KIF1A: variants seen among roughly 807,000 people sequenced by gnomAD.
The protein encoded by KIF1A is kinesin-like protein KIF1A.
In KIF1A, 46 loss-of-function variants were observed where a neutral mutation model predicts 227.3. The observed-to-expected ratio is 0.20, with a 90% CI of 0.16 to 0.26. The LOEUF is 0.26. KIF1A is among the 10% of genes least tolerant of loss of function. The pLI is 1.00. For missense variants in KIF1A, 1,683 were observed against 2,485.9 expected (o/e 0.68, Z 6.87); for synonymous variants, 1,022 against 1,012.8 (o/e 1.01, Z -0.17).
chr2:240,746,026 GT>G lies in KIF1A; in HGVS notation c.3202+12del. ...ATCCCCTACGCCCTGGGCAGCTGGG[GT>G]GGGCGACCCACCTGAACAGGTGTTG... is the stretch of plus-strand genomic sequence containing the variant. On this transcript the variant is annotated intron_variant, in intron 30 of 48. Transcript: ENST00000498729. 6.2e-7 allele frequency: 1 copy of G among 1,607,530 alleles called. No homozygotes were observed. Among genetic ancestry groups the G allele is most frequent in the East Asian group, 2.2e-5 (1 of 44,702 alleles).
chr2:240,722,651 C>A lies in KIF1A; in HGVS notation c.4470G>T (p.Glu1490Asp). 1 of 1,533,738 alleles carries A rather than the reference C, an allele frequency of 6.5e-7. No homozygotes were observed. Residue 1490 changes from glutamate to aspartate, a missense_variant, in exon 43 of 49, where the codon GAG becomes GAT. Coordinates refer to ENST00000498729, the MANE Select transcript of KIF1A (RefSeq NM_001244008.2). ...GCAGGAGCAGGTAGTGCCTAGTCTT[C>A]TCCACCTTCAGACAGGACACAAGGC... ...LEKLSLLQEV[E>D]KTRHYLLLRE...
At chr2:240,811,243 T>C (rs1485596919) in intron 1 of KIF1A, among the ~76,000 whole-genome samples, 2 of 151,972 alleles carry the variant, frequency 1.3e-5, no homozygotes, top group Non-Finnish European at 2.9e-5. Flanking sequence ...CAGGCACCCA[T>C]AATCCCAGCT....
At chr2:240,769,507 TG>T in intron 16 of KIF1A, 119 bp downstream of exon 16, 1 of 802,542 alleles carries the variant, frequency 1.2e-6, no homozygotes, top group Non-Finnish European at 2.0e-6. Context: ...GGCTGGGATG[TG>T]GCCACCCCAT....
chr2:240,754,483 G>T (rs1387456924), intron 27 of KIF1A, among the ~76,000 whole-genome samples: 1 of 152,234 alleles, frequency 6.6e-6, no homozygotes, highest in Non-Finnish European at 1.5e-5. Context: ...GCTGTGAGCT[G>T]GGCCCGGAAG....
Position 240,778,143 on chromosome 2 carries a change from C to G in KIF1A, c.883-2217G>C, listed in dbSNP as rs2053029521. 6.6e-6 allele frequency among the ~76,000 whole-genome samples: 1 copy of G among 152,144 alleles called. No homozygotes were observed. The highest frequency in any genetic ancestry group is 6.5e-5 in the Admixed American group (1 of 15,284). Reference sequence around the variant, plus strand: ...CTGCTTCCCCCTTTATTCCTCCATTCAGGAAAACGGCAGTCACTCGAATGC... The same window carrying G: ...CTGCTTCCCCCTTTATTCCTCCATTGAGGAAAACGGCAGTCACTCGAATGC... On this transcript the variant is annotated intron_variant, in intron 10 of 48. Coordinates refer to ENST00000498729, the MANE Select transcript of KIF1A (RefSeq NM_001244008.2). The surrounding 1 kb of genome is among the most constrained non-coding windows in gnomAD (Gnocchi z 7.2).
At chr2:240,782,739 G>GA in intron 9 of KIF1A, 132 bp from the exon 10 acceptor site, 1 of 950,610 alleles carries the variant, frequency 1.1e-6, no homozygotes, top group Non-Finnish European at 1.6e-6. Flanking sequence ...TGGTCTCCTA[G>GA]ACAGCAGCTC....
chr2:240,727,941 T>C (rs1434354496), intron 38 of KIF1A, among the ~76,000 whole-genome samples: 1 of 152,168 alleles, frequency 6.6e-6, no homozygotes, highest in Non-Finnish European at 1.5e-5. Context: ...GACTCCAGAA[T>C]GTGGCTACTC....
chr2:240,736,999 G>T lies in KIF1A; in HGVS notation c.4007+64C>A. 1 of 1,347,520 alleles carries T rather than the reference G, an allele frequency of 7.4e-7. No individual in the cohort carries two copies. The highest frequency in any genetic ancestry group is 1.1e-6 in the Non-Finnish European group (1 of 940,148). The allele number at this position is 1,347,520 out of a possible 1,614,324, so 83.5% of individuals were successfully genotyped here. ...GTGTGGCTGAACCCTGTGCCGGGTT[G>T]GCTGAGGGCCTGGCAGGCTGGGAAC... On this transcript the variant is annotated intron_variant, in intron 38 of 48. Transcript: ENST00000498729. This position sits in a 1 kb window ranked among gnomAD's most constrained non-coding sequence, Gnocchi z 4.7.
chr2:240,745,975 G>T, intron 30 of KIF1A, 64 bp downstream of exon 30: 6 of 1,595,490 alleles, frequency 3.8e-6, no homozygotes, highest in Non-Finnish European at 5.1e-6. Context: ...ACAGGCCTGG[G>T]CCGGGCTCAG....
In KIF1A at chr2:240,775,320, C is replaced by T. The variant is rs1224117074; in HGVS notation, c.958+531G>A. ...TCAGTTTACCTCCCTGGGCATCAGC[C>T]TCTCCAGCTGTAAATGCAGTTGGGG... On this transcript the variant is annotated intron_variant, in intron 11 of 48. Coordinates refer to ENST00000498729, the MANE Select transcript of KIF1A (RefSeq NM_001244008.2). This position sits in a 1 kb window ranked among gnomAD's most constrained non-coding sequence, Gnocchi z 5.5. Among the ~76,000 whole-genome samples the T allele has an allele frequency of 6.6e-6, 1 of 152,192 alleles. No homozygotes were observed. Among genetic ancestry groups the T allele is most frequent in the African/African-American group, 2.4e-5 (1 of 41,446 alleles).
In KIF1A at chr2:240,720,593, C is replaced by T. The variant is rs1344405166; in HGVS notation, c.4868+321G>A. On this transcript the variant is annotated intron_variant, in intron 45 of 48. Transcript: ENST00000498729. The stretch of plus-strand genomic sequence containing the variant: ...ATACTGACTCTAACGGCTCTCATGC[C>T]CTCTTTCGTAACCTTTTCTTTTTCC... 1.4e-5 allele frequency: 3 copies of T among 214,828 alleles called. No individual in the cohort carries two copies. In the East Asian group the frequency reaches 3.0e-4, roughly 22 times the overall value. 13.3% of individuals were successfully genotyped at this position (214,828 alleles called of 1,614,324 possible). A position where few individuals can be genotyped will look rare whatever the true frequency, so the allele number is the denominator to read the frequency against.
At chr2:240,769,017 C>T in intron 17 of KIF1A, 116 bp downstream of exon 17, 2 of 890,964 alleles carry the variant, frequency 2.2e-6, no homozygotes, top group Non-Finnish European at 3.6e-6. Context: ...GTGCCTGGGC[C>T]AGAGCCCCAC....
At chr2:240,720,839 G>C (rs1038374867) in intron 45 of KIF1A, 75 bp downstream of exon 45, 1 of 1,468,110 alleles carries the variant, frequency 6.8e-7, no homozygotes, top group Non-Finnish European at 9.1e-7. Flanking sequence ...TGTGCTCTCT[G>C]TGCCCGAGTC....
intron 28 of KIF1A, among the ~76,000 whole-genome samples, chr2:240,748,273 C>T (rs2048833071): frequency 6.6e-6 from 1 of 152,112 alleles, no homozygotes; most frequent in Admixed American, 6.5e-5. Context: ...GGTGGGGGTA[C>T]CTCTCAACCC....
At chr2:240,730,385 G>T (rs554085730) in intron 38 of KIF1A, among the ~76,000 whole-genome samples, 13 of 152,312 alleles carry the variant, frequency 8.5e-5, no homozygotes, top group Admixed American at 3.3e-4. Flanking sequence ...GCAAAAACTG[G>T]AGGATGTGGG....
chr2:240,784,013 C>T (rs979428889), intron 7 of KIF1A, among the ~76,000 whole-genome samples, 197 bp from the exon 8 acceptor site: 5 of 152,154 alleles, frequency 3.3e-5, no homozygotes, highest in African/African-American at 1.2e-4. Flanking sequence ...TCTCCCAAGG[C>T]CCTGCCCGAG....
At chr2:240,808,782 G>A (rs947431564) in intron 1 of KIF1A, among the ~76,000 whole-genome samples, 8 of 151,922 alleles carry the variant, frequency 5.3e-5, no homozygotes, top group African/African-American at 1.9e-4. Context: ...TGGGATTGGA[G>A]TGCAACGGTG....
rs952715804 is a variant in KIF1A, at chr2:240,796,877, G to A, written c.106+770C>T. Among the ~76,000 whole-genome samples the A allele has an allele frequency of 1.3e-4, 19 of 151,204 alleles. 1 individual carries two copies. The highest frequency in any genetic ancestry group is 7.3e-5 in the Non-Finnish European group (5 of 68,030). ...AAACCTAGGGAGGAAGCTTCCATGGGACCTGAGTGCCCTCCCCTCGGGACG... is the reference window on the plus strand; with the variant it reads ...AAACCTAGGGAGGAAGCTTCCATGGAACCTGAGTGCCCTCCCCTCGGGACG... On this transcript the variant is annotated intron_variant, in intron 2 of 48. Transcript: ENST00000498729.
At position 240,726,562 on chromosome 2, in the gene KIF1A, C is replaced by T. The variant is rs907752422; in HGVS notation, c.4122+264G>A. ...GGAAGCGGAGGTTGCAGTGAGACTG[C>T]GCCATTGCACTCCAGCCTGGGCGAC... On this transcript the variant is annotated intron_variant, in intron 39 of 48. Transcript: ENST00000498729. The surrounding 1 kb of genome is among the most constrained non-coding windows in gnomAD (Gnocchi z 5.2). Among the ~76,000 whole-genome samples, 7 of 152,046 alleles carry T rather than the reference C, an allele frequency of 4.6e-5. No homozygotes were observed. Among genetic ancestry groups the T allele is most frequent in the East Asian group, 1.9e-4 (1 of 5,182 alleles).
Sources: gnomAD v4.1 joint callset for allele counts (sites outside exome capture counted in the v4.1 genomes callset) on GRCh38, gnomAD v4.1.1 for gene constraint, Gnocchi (gnomAD v3.1) non-coding constraint, MANE v1.5 for transcripts, NCBI Gene and HGNC (gene_info 2026-07-23, HGNC 2026-07-21) for gene names.